TNS1: variants seen among roughly 807,000 people sequenced by gnomAD.
The protein encoded by TNS1 is tensin 1.
TNS1 carries 62 observed loss-of-function variants against 168.6 expected under a neutral mutation model. The ratio of observed to expected loss-of-function variants is 0.37; its 90% confidence interval spans 0.30 to 0.45. TNS1 has a LOEUF of 0.45. Among genes scored for constraint, TNS1 ranks in the 20% least tolerant of loss-of-function variants. TNS1 has a pLI of 1.00. For missense variants in TNS1, 2,240 were observed against 2,339.4 expected (o/e 0.96, Z 0.88); for synonymous variants, 934 against 933.2 (o/e 1.00, Z -0.02).
intron 24 of TNS1, 23 bp from the exon 25 acceptor site, chr2:217,815,021 A>C: frequency 6.3e-7 from 1 of 1,595,500 alleles, no homozygotes; most frequent in Non-Finnish European, 8.6e-7. Context: ...AAGGGAAGAA[A>C]GTGTTATGGG....
intron 1 of TNS1, among the ~76,000 whole-genome samples, chr2:218,008,397 G>A (rs183297083): frequency 2.0e-5 from 3 of 152,306 alleles, no homozygotes; most frequent in Admixed American, 2.0e-4. Context: ...TCCGCAAATG[G>A]GGAGGGGGTG....
At chr2:217,922,365 TG>T (rs1295785357) in intron 3 of TNS1, among the ~76,000 whole-genome samples, 1 of 152,066 alleles carries the variant, frequency 6.6e-6, no homozygotes, top group African/African-American at 2.4e-5. Context: ...TCTGTCACCA[TG>T]GGTCCCTCAG....
intron 1 of TNS1, 117 bp from the exon 2 acceptor site, chr2:217,991,173 T>G: frequency 2.1e-6 from 1 of 468,240 alleles, no homozygotes; most frequent in Non-Finnish European, 3.9e-6. Flanking sequence ...CAAGAGCCCC[T>G]CAGGGTCCAG....
At chr2:218,001,886 C>A (rs942555222) in intron 1 of TNS1, among the ~76,000 whole-genome samples, 3 of 152,202 alleles carry the variant, frequency 2.0e-5, no homozygotes, top group African/African-American at 7.2e-5. Flanking sequence ...ATCTGGATCA[C>A]AGCCCTGAAG....
At chr2:217,895,738 A>G (rs1952225195) in intron 8 of TNS1, among the ~76,000 whole-genome samples, 2 of 152,148 alleles carry the variant, frequency 1.3e-5, no homozygotes, top group Admixed American at 6.5e-5. Context: ...TGGAATCCTA[A>G]GGAATTCTCC....
At chr2:217,854,989 C>G (rs567734789) in intron 18 of TNS1, among the ~76,000 whole-genome samples, 2 of 152,202 alleles carry the variant, frequency 1.3e-5, no homozygotes, top group Non-Finnish European at 2.9e-5. Flanking sequence ...GGTGAGGATT[C>G]GAGAGTGTGT....
chr2:217,931,473 G>C (rs1251824871), intron 3 of TNS1, among the ~76,000 whole-genome samples: 1 of 152,150 alleles, frequency 6.6e-6, no homozygotes, highest in Admixed American at 6.5e-5. Context: ...GGGTAGGTGC[G>C]GGGGGCTAAG....
At chr2:217,853,085 C>A (rs1444644866) in intron 18 of TNS1, among the ~76,000 whole-genome samples, 1 of 152,138 alleles carries the variant, frequency 6.6e-6, no homozygotes, top group African/African-American at 2.4e-5. Flanking sequence ...CTCCGGCACA[C>A]ACACTCTCAT....
intron 2 of TNS1, among the ~76,000 whole-genome samples, chr2:217,988,651 C>T (rs1958264203): frequency 6.6e-6 from 1 of 152,172 alleles, no homozygotes; most frequent in African/African-American, 2.4e-5. Flanking sequence ...TCCCCTGGCT[C>T]CAACCCTAAA....
chr2:217,881,722 T>A (rs1297732103), intron 17 of TNS1: 2 of 152,218 alleles, frequency 1.3e-5, no homozygotes, highest in Admixed American at 6.5e-5. Flanking sequence ...ATCCCAGAAC[T>A]TAAGGTAAAA....
chr2:217,834,767 G>C (rs1326603799), intron 21 of TNS1, among the ~76,000 whole-genome samples: 1 of 152,198 alleles, frequency 6.6e-6, no homozygotes, highest in Non-Finnish European at 1.5e-5. Flanking sequence ...TAAGATGGTA[G>C]GGTCTTTTGA....
chr2:217,858,671 TACACACACACACACAC>T (rs60953913), intron 18 of TNS1: 1 of 146,918 alleles, frequency 6.8e-6, no homozygotes, highest in Non-Finnish European at 1.2e-5. Context: ...CCTGCCCATG[TACACACACACACACAC>T]ACACACACAC....
chr2:217,998,968 C>G (rs1032836154), intron 1 of TNS1, among the ~76,000 whole-genome samples: 1 of 152,192 alleles, frequency 6.6e-6, no homozygotes, highest in East Asian at 1.9e-4. Context: ...TTGAAGAGAG[C>G]AGGCCCTCCA....
intron 4 of TNS1, among the ~76,000 whole-genome samples, chr2:217,913,773 C>T (rs1320096396): frequency 2.0e-5 from 3 of 152,106 alleles, no homozygotes; most frequent in African/African-American, 7.2e-5. Flanking sequence ...CCACTGCTTG[C>T]TCTCTCTTCT....
intron 9 of TNS1, 44 bp from the exon 10 acceptor site, chr2:217,893,605 G>A (rs1197068607): frequency 6.4e-7 from 1 of 1,562,356 alleles, no homozygotes. Context: ...AAGCCCTGCA[G>A]AGCCAAACAA....
chr2:217,812,031 T>C (rs372749161), intron 28 of TNS1, among the ~76,000 whole-genome samples: 21 of 152,296 alleles, frequency 1.4e-4, no homozygotes, highest in African/African-American at 5.1e-4. Flanking sequence ...GATGCCCATC[T>C]CATCCTCCAG....
chr2:217,927,125 T>A (rs180838440), intron 3 of TNS1, among the ~76,000 whole-genome samples: 1 of 152,300 alleles, frequency 6.6e-6, no homozygotes, highest in African/African-American at 2.4e-5. Context: ...GAAGTCCCCA[T>A]GCCTGGCTCA....
upstream of TNS1, among the ~76,000 whole-genome samples, chr2:218,012,045 A>G (rs1371523482): frequency 1.3e-5 from 2 of 152,182 alleles, no homozygotes; most frequent in African/African-American, 4.8e-5. Context: ...ATCTCAAGGG[A>G]AGCCCCAGCA....
chr2:218,012,326 T>C (rs1308144130), upstream of TNS1, among the ~76,000 whole-genome samples: 1 of 152,156 alleles, frequency 6.6e-6, no homozygotes, highest in Non-Finnish European at 1.5e-5. Flanking sequence ...GAGGACAACA[T>C]GACTTTTAAG....
Sources: gnomAD v4.1 joint callset for allele counts (sites outside exome capture counted in the v4.1 genomes callset) on GRCh38, gnomAD v4.1.1 for gene constraint, MANE v1.5 for transcripts, NCBI Gene and HGNC (gene_info 2026-07-23, HGNC 2026-07-21) for gene names.